The following MBNL2 variants were observed in gnomAD, a reference collection of about 807,000 sequenced individuals.
The protein encoded by MBNL2 is muscleblind-like protein 2.
MBNL2 carries 17 observed loss-of-function variants against 41.9 expected under a neutral mutation model. The observed-to-expected ratio is 0.41, with a 90% CI of 0.28 to 0.61. MBNL2 has a LOEUF of 0.61. Among genes scored for constraint, MBNL2 ranks in the 20% least tolerant of loss-of-function variants. The pLI, the probability that MBNL2 is intolerant of heterozygous loss-of-function variation, is 0.35. For synonymous variants in MBNL2, 195 were observed against 182.9 expected, an observed-to-expected ratio of 1.07 and a Z score of -0.53; for missense variants, 336 against 505.6, an observed-to-expected ratio of 0.66 and a Z score of 3.22.
chr13:97,261,322 A>G lies in MBNL2; in HGVS notation c.-604-14310A>G, dbSNP rs146613109. Among the ~76,000 whole-genome samples, 22 of 152,208 alleles carry G rather than the reference A, an allele frequency of 1.4e-4. No individual in the cohort carries two copies. The East Asian group carries it at 4.3e-3, about 30-fold the overall frequency. On this transcript the variant is annotated intron_variant, in intron 1 of 8. Coordinates refer to ENST00000679496, the MANE Select transcript of MBNL2 (RefSeq NM_001382683.1). ...CACATGCACACACATCAAGAAATTTAACGATACACTCAGAAACAAATTGCA... is the reference window on the plus strand; with the variant it reads ...CACATGCACACACATCAAGAAATTTGACGATACACTCAGAAACAAATTGCA...
At chr13:97,220,296 A>G (rs2040745199), upstream of MBNL2, among the ~76,000 whole-genome samples, 1 of 152,264 alleles carries the variant, frequency 6.6e-6, no homozygotes, top group South Asian at 2.1e-4. Flanking sequence ...AGGCAAGCTA[A>G]CTACAGAAGA....
At chr13:97,288,385 G>T (rs1033868040) in intron 2 of MBNL2, among the ~76,000 whole-genome samples, 26 of 152,174 alleles carry the variant, frequency 1.7e-4, no homozygotes, top group African/African-American at 6.0e-4. Context: ...GCCATTTTCT[G>T]TTAGCAAATG....
At chr13:97,385,799 T>C (rs1393476335) in intron 8 of MBNL2, among the ~76,000 whole-genome samples, 1 of 152,198 alleles carries the variant, frequency 6.6e-6, no homozygotes, top group Non-Finnish European at 1.5e-5. Flanking sequence ...TCTACGTTGA[T>C]TTGTCTTCTC....
At chr13:97,197,131 T>C in the MBNL2 span, among the ~76,000 whole-genome samples, 1 of 152,196 alleles carries the variant, frequency 6.6e-6, no homozygotes, top group African/African-American at 2.4e-5. Flanking sequence ...AACTCTCCTA[T>C]CTGTAAACTC....
At chr13:97,348,188 C>T (rs1174309447) in intron 5 of MBNL2, among the ~76,000 whole-genome samples, 1 of 151,694 alleles carries the variant, frequency 6.6e-6, no homozygotes, top group Admixed American at 6.6e-5. Context: ...GATCCTCCCA[C>T]CTCAGCCTCC....
the MBNL2 span, among the ~76,000 whole-genome samples, chr13:97,152,367 AG>A: frequency 6.6e-6 from 1 of 152,070 alleles, no homozygotes; most frequent in African/African-American, 2.4e-5. Context: ...GAAAACAGAG[AG>A]GAAAAAAAAT....
upstream of MBNL2, among the ~76,000 whole-genome samples, chr13:97,218,447 A>AACAAAAC (rs1362381768): frequency 1.3e-5 from 2 of 151,262 alleles, no homozygotes; most frequent in African/African-American, 4.9e-5. Flanking sequence ...AAACAAAAAA[A>AACAAAAC]AAAAACTGGG....
chr13:97,338,619 A>C (rs562932087), intron 3 of MBNL2, among the ~76,000 whole-genome samples: 1 of 152,306 alleles, frequency 6.6e-6, no homozygotes, highest in African/African-American at 2.4e-5. Context: ...AGAATAGGAC[A>C]GGAATTCTTC....
At chr13:97,266,514 C>G (rs1364324247) in intron 1 of MBNL2, among the ~76,000 whole-genome samples, 1 of 152,200 alleles carries the variant, frequency 6.6e-6, no homozygotes, top group South Asian at 2.1e-4. Context: ...TTCTGGAGAT[C>G]AAGTGGCTCT....
chr13:97,258,856 A>G (rs2048052593), intron 1 of MBNL2, among the ~76,000 whole-genome samples: 1 of 152,242 alleles, frequency 6.6e-6, no homozygotes, highest in African/African-American at 2.4e-5. Flanking sequence ...CACTGCCTCA[A>G]GGGCTCAGGC....
chr13:97,364,572 A>C (rs545173647), intron 7 of MBNL2, among the ~76,000 whole-genome samples: 1 of 152,318 alleles, frequency 6.6e-6, no homozygotes, highest in Admixed American at 6.5e-5. Context: ...CTTAAATCTT[A>C]AACACTGTTA....
In MBNL2 at chr13:97,327,271, A is replaced by G. The variant is rs530727637; in HGVS notation, c.175-7005A>G. 2.0e-5 allele frequency among the ~76,000 whole-genome samples: 3 copies of G among 152,194 alleles called. No homozygotes were observed. In the East Asian group the frequency reaches 5.8e-4, roughly 29 times the overall value. ...CTGCTGAATCTCCTCAAACCTCATC[A>G]CGTAGACGTCTCATAATTCTCAGAA... On this transcript the variant is annotated intron_variant, in intron 2 of 8. Transcript: ENST00000679496.
chr13:97,171,690 A>G, the MBNL2 span, among the ~76,000 whole-genome samples: 1 of 152,156 alleles, frequency 6.6e-6, no homozygotes, highest in Non-Finnish European at 1.5e-5. Flanking sequence ...GTCAAACAGG[A>G]TAGAAAGGAG....
intron 2 of MBNL2, among the ~76,000 whole-genome samples, chr13:97,287,571 C>T (rs945140123): frequency 2.6e-5 from 4 of 152,096 alleles, no homozygotes; most frequent in Admixed American, 1.3e-4. Context: ...TAAGTACAGT[C>T]ATCCTATGGT....
At chr13:97,262,263 G>A (rs1040479711) in intron 1 of MBNL2, among the ~76,000 whole-genome samples, 13 of 152,232 alleles carry the variant, frequency 8.5e-5, no homozygotes, top group Admixed American at 2.6e-4. Flanking sequence ...CTCCAACAGC[G>A]TCATGTCACA....
rs553517101 is a variant in MBNL2, at chr13:97,279,445, C to T, written c.174+3036C>T. On this transcript the variant is annotated intron_variant, in intron 2 of 8. Transcript: ENST00000679496. Reference sequence around the variant, plus strand: ...AGTTAGGACCTGGCAATATTAGTTTCTTTCCCTTCATAATAAAGTATCCCA... The same window carrying T: ...AGTTAGGACCTGGCAATATTAGTTTTTTTCCCTTCATAATAAAGTATCCCA... Among the ~76,000 whole-genome samples, 16 of 152,336 alleles carry T rather than the reference C, an allele frequency of 1.1e-4. No homozygotes were observed. In the South Asian group the frequency reaches 3.3e-3, roughly 32 times the overall value.
intron 7 of MBNL2, among the ~76,000 whole-genome samples, chr13:97,358,731 C>T (rs1180646914): frequency 6.6e-6 from 1 of 152,096 alleles, no homozygotes; most frequent in East Asian, 1.9e-4. Context: ...ATTTTTCAGC[C>T]CACGATAGTG....
At chr13:97,263,427 C>T (rs1356424387) in intron 1 of MBNL2, among the ~76,000 whole-genome samples, 1 of 152,154 alleles carries the variant, frequency 6.6e-6, no homozygotes, top group Non-Finnish European at 1.5e-5. Flanking sequence ...CTTAGGCAGA[C>T]AAAGCCCCTA....
rs563824551 is a variant in MBNL2 at position 97,256,576 on chromosome 13, C to A, written c.-604-19056C>A. Among the ~76,000 whole-genome samples, 50 of 152,200 alleles carry A rather than the reference C, an allele frequency of 3.3e-4. 1 individual carries two copies. In the South Asian group the frequency reaches 8.5e-3, roughly 26 times the overall value. ...TGCAGGTTATCAGAGTGGCCTTAAC[C>A]AAAATTTCCATGAGTAATGTTGCAA... On this transcript the variant is annotated intron_variant, in intron 1 of 8. Transcript: ENST00000679496.
Sources: allele counts gnomAD v4.1 joint callset (sites outside exome capture counted in the v4.1 genomes callset), GRCh38; gene constraint gnomAD v4.1.1; transcripts MANE v1.5; gene names NCBI Gene and HGNC (gene_info 2026-07-23, HGNC 2026-07-21).